EPHB1: variants seen among roughly 807,000 people sequenced by gnomAD.
EPHB1 encodes ephrin type-B receptor 1.
Under a neutral mutation model 94.4 loss-of-function variants are expected in EPHB1, and 30 were observed. The observed-to-expected ratio is 0.32, with a 90% confidence interval of 0.24 to 0.43. The LOEUF (loss-of-function observed/expected upper bound fraction) is 0.43, where lower values mean the gene tolerates loss of function less well. Ranked by LOEUF, EPHB1 falls within the 20% of genes least tolerant of loss-of-function variation. The pLI is 1.00. For missense variants in EPHB1, 1,055 were observed against 1,308.3 expected, an observed-to-expected ratio of 0.81 and a Z score of 2.99; for synonymous variants, 522 against 489.1, an observed-to-expected ratio of 1.07 and a Z score of -0.89.
At chr3:134,857,846 A>G (rs966432616) in intron 1 of EPHB1, among the ~76,000 whole-genome samples, 2 of 152,178 alleles carry the variant, frequency 1.3e-5, no homozygotes, top group Non-Finnish European at 2.9e-5. Flanking sequence ...GGGATGTGCT[A>G]GTGAATCTAA....
chr3:135,044,047 T>C (rs1936926895), intron 3 of EPHB1, among the ~76,000 whole-genome samples: 1 of 152,186 alleles, frequency 6.6e-6, no homozygotes, highest in African/African-American at 2.4e-5. Context: ...TCCAGAACCA[T>C]ACATTTATCA....
intron 4 of EPHB1, among the ~76,000 whole-genome samples, chr3:135,125,826 A>G (rs1940172470): frequency 6.6e-6 from 1 of 152,066 alleles, no homozygotes; most frequent in Admixed American, 6.6e-5. Flanking sequence ...TTTTCCCTGC[A>G]TATTTCGCCC....
intron 5 of EPHB1, among the ~76,000 whole-genome samples, chr3:135,147,985 G>A (rs1178469817): frequency 2.6e-5 from 4 of 152,180 alleles, no homozygotes; most frequent in African/African-American, 4.8e-5. Flanking sequence ...TAGATCAACT[G>A]AAGTCTGAGT....
At chr3:135,141,856 G>T (rs1940841648) in intron 5 of EPHB1, among the ~76,000 whole-genome samples, 1 of 152,176 alleles carries the variant, frequency 6.6e-6, no homozygotes, top group Admixed American at 6.5e-5. Context: ...AGGACCACAG[G>T]TCCTCAGGGA....
At chr3:135,214,711 C>T (rs1240606507) in intron 12 of EPHB1, among the ~76,000 whole-genome samples, 1 of 152,202 alleles carries the variant, frequency 6.6e-6, no homozygotes, top group African/African-American at 2.4e-5. Flanking sequence ...CAGGAGAGAG[C>T]ATGCATTTCA....
chr3:135,030,896 C>CGGA (rs1315545969), intron 3 of EPHB1, among the ~76,000 whole-genome samples: 1 of 152,178 alleles, frequency 6.6e-6, no homozygotes, highest in Non-Finnish European at 1.5e-5. Flanking sequence ...GTAGGACCCT[C>CGGA]GGAGCCAGGT....
At chr3:135,201,800 G>A (rs2107713271) in intron 12 of EPHB1, 111 bp downstream of exon 12, 2 of 1,045,026 alleles carry the variant, frequency 1.9e-6, no homozygotes, top group East Asian at 2.6e-5. Flanking sequence ...CCTGAACTGA[G>A]CTCTCCACTG....
At chr3:134,884,414 ACTTT>A (rs1440827536) in intron 1 of EPHB1, among the ~76,000 whole-genome samples, 2 of 152,196 alleles carry the variant, frequency 1.3e-5, no homozygotes, top group Admixed American at 6.5e-5. Context: ...AATGAGTACA[ACTTT>A]CTTTTAACTC....
At chr3:135,136,537 G>T (rs540677771) in intron 5 of EPHB1, among the ~76,000 whole-genome samples, 36 of 152,258 alleles carry the variant, frequency 2.4e-4, no homozygotes, top group Non-Finnish European at 3.2e-4. Context: ...AAGAAACTTA[G>T]GTCAGAGCAG....
intron 3 of EPHB1, among the ~76,000 whole-genome samples, chr3:134,963,452 C>G (rs936325): frequency 0.33 from 49,983 of 151,888 alleles, 8,613 homozygotes; most frequent in Middle Eastern, 0.5. Context: ...TGGTTATAAC[C>G]TGGGTATGGA....
At chr3:134,795,815 G>A in intron 1 of EPHB1, 126 bp downstream of exon 1, 2 of 1,073,038 alleles carry the variant, frequency 1.9e-6, no homozygotes, top group Non-Finnish European at 1.4e-6. Flanking sequence ...CGAGGGCAAG[G>A]AGGTTTGGGA....
At chr3:135,197,078 C>T (rs563061031) in intron 11 of EPHB1, among the ~76,000 whole-genome samples, 212 of 145,972 alleles carry the variant, frequency 1.5e-3, no homozygotes, top group African/African-American at 3.6e-3. Flanking sequence ...GGCCATATAG[C>T]GAGACCCCGT....
chr3:135,022,071 C>T (rs567884809), intron 3 of EPHB1, among the ~76,000 whole-genome samples: 5 of 152,308 alleles, frequency 3.3e-5, no homozygotes, highest in African/African-American at 1.2e-4. Flanking sequence ...GCTCTGCCTC[C>T]TGGGTTCACG....
chr3:135,256,033 A>T (rs377164365), intron 15 of EPHB1, among the ~76,000 whole-genome samples: 1 of 151,362 alleles, frequency 6.6e-6, no homozygotes, highest in Non-Finnish European at 1.5e-5. Flanking sequence ...AGAGACTAGG[A>T]TTGCAACCCC....
rs796297762 is a variant in EPHB1 at position 135,090,965 on chromosome 3, G to A, written c.806-15483G>A. Among the ~76,000 whole-genome samples the A allele has an allele frequency of 3.9e-5, 6 of 152,340 alleles. No homozygotes were observed. The South Asian group carries it at 1.2e-3, about 32-fold the overall frequency. On this transcript the variant is annotated intron_variant, in intron 3 of 15. Coordinates refer to ENST00000398015, the MANE Select transcript of EPHB1 (RefSeq NM_004441.5). Reference sequence around the variant, plus strand: ...AGCCCATTTCTACTCCTGGGTTTCTGTAAAGGTCACAGCAAAATTATTTTA... The same window carrying A: ...AGCCCATTTCTACTCCTGGGTTTCTATAAAGGTCACAGCAAAATTATTTTA...
chr3:135,014,628 G>A (rs1363888280), intron 3 of EPHB1, among the ~76,000 whole-genome samples: 2 of 152,206 alleles, frequency 1.3e-5, no homozygotes, highest in African/African-American at 4.8e-5. Flanking sequence ...GAAAACATGT[G>A]TCCTTGTGGG....
Position 135,249,401 on chromosome 3 carries a change from G to A in EPHB1, c.2756G>A (p.Trp919Ter). 6.2e-7 allele frequency: 1 copy of A among 1,614,004 alleles called. No homozygotes were observed. Among genetic ancestry groups the A allele is most frequent in the South Asian group, 1.1e-5 (1 of 91,086 alleles). ...ACGGCCTTTACCACCGTGGATGACT[G>A]GCTCAGCGCCATCAAAATGGTCCAG... ...DFTAFTTVDD[W>*]LSAIKMVQYR... is the part of the protein sequence containing the mutation. Residue 919 changes from tryptophan (W) to a stop codon, truncating the protein, a stop_gained, in exon 15 of 16, where the codon TGG (tryptophan) becomes TAG (stop). Transcript: ENST00000398015. LOFTEE classifies it high-confidence loss of function.
At chr3:135,149,272 G>A (rs886628580) in intron 5 of EPHB1, among the ~76,000 whole-genome samples, 1 of 152,184 alleles carries the variant, frequency 6.6e-6, no homozygotes, top group Non-Finnish European at 1.5e-5. Context: ...AGTAGAATGT[G>A]TAATTTATTC....
At chr3:135,034,526 G>T (rs1936583791) in intron 3 of EPHB1, among the ~76,000 whole-genome samples, 1 of 152,256 alleles carries the variant, frequency 6.6e-6, no homozygotes, top group Non-Finnish European at 1.5e-5. Context: ...GGTGCTGTCT[G>T]CCTGGGGGAG....
Sources: allele counts gnomAD v4.1 joint callset (sites outside exome capture counted in the v4.1 genomes callset), GRCh38; gene constraint gnomAD v4.1.1; transcripts MANE v1.5; gene names NCBI Gene and HGNC (gene_info 2026-07-23, HGNC 2026-07-21).